Variants in SPOCK3 observed in about 807,000 individuals in gnomAD.
SPOCK3 encodes testican-3.
Under a neutral mutation model 56.6 loss-of-function variants are expected in SPOCK3, and 30 were observed. The ratio of observed to expected loss-of-function variants is 0.53; its 90% CI spans 0.40 to 0.72. The LOEUF (loss-of-function observed/expected upper bound fraction) is 0.72. Among genes scored for constraint, SPOCK3 ranks in the 30% least tolerant of loss-of-function variants. The pLI is 0.00. For synonymous variants in SPOCK3, 196 were observed against 183.3 expected, an observed-to-expected ratio of 1.07 and a Z score of -0.56; for missense variants, 527 against 530.0, an observed-to-expected ratio of 0.99 and a Z score of 0.06.
intron 2 of SPOCK3, among the ~76,000 whole-genome samples, chr4:167,233,149 C>A (rs1737357808): frequency 6.6e-6 from 1 of 152,170 alleles, no homozygotes; most frequent in South Asian, 2.1e-4. Flanking sequence ...TTGTATCGTG[C>A]TCTGTACGTG....
At chr4:166,744,786 C>A (rs922443151) in intron 8 of SPOCK3, among the ~76,000 whole-genome samples, 1 of 151,966 alleles carries the variant, frequency 6.6e-6, no homozygotes, top group East Asian at 1.9e-4. Context: ...ATAGGGAAGA[C>A]CTTAAGTGAC....
At chr4:166,937,941 T>TTC (rs1451108518) in intron 4 of SPOCK3, among the ~76,000 whole-genome samples, 2 of 149,260 alleles carry the variant, frequency 1.3e-5, no homozygotes, top group Non-Finnish European at 3.0e-5. Context: ...TCTCTTTTTT[T>TTC]TTTTTTTTTA....
intron 4 of SPOCK3, among the ~76,000 whole-genome samples, chr4:166,999,292 A>C (rs13117854): frequency 0.024 from 3,607 of 152,298 alleles, 75 homozygotes; most frequent in Middle Eastern, 0.061. Flanking sequence ...CTATAGACTT[A>C]ACATTGTGGA....
intron 6 of SPOCK3, among the ~76,000 whole-genome samples, chr4:166,831,487 C>T (rs561642333): frequency 4.6e-5 from 7 of 152,134 alleles, no homozygotes; most frequent in Non-Finnish European, 7.4e-5. Context: ...AGATATACGG[C>T]TATTCAAGAT....
chr4:166,798,368 C>T (rs989380207), intron 6 of SPOCK3, among the ~76,000 whole-genome samples: 14 of 152,138 alleles, frequency 9.2e-5, no homozygotes, highest in African/African-American at 3.4e-4. Context: ...GCAAAAGCCA[C>T]TGCTAATTCT....
intron 2 of SPOCK3, among the ~76,000 whole-genome samples, chr4:167,112,770 G>A (rs1645385744): frequency 6.6e-6 from 1 of 151,872 alleles, no homozygotes; most frequent in South Asian, 2.1e-4. Context: ...ATACCATGGG[G>A]TGTCATCAAG....
chr4:167,116,689 A>G (rs1458673523), intron 2 of SPOCK3, among the ~76,000 whole-genome samples: 1 of 135,962 alleles, frequency 7.4e-6, no homozygotes, highest in East Asian at 2.1e-4. Flanking sequence ...ATATATACAC[A>G]CATATAGTAT....
intron 2 of SPOCK3, among the ~76,000 whole-genome samples, chr4:167,110,694 T>C (rs141979476): frequency 1.1e-3 from 165 of 152,136 alleles, no homozygotes; most frequent in Non-Finnish European, 1.6e-3. Context: ...AAACATTTTA[T>C]GGATAAATGA....
chr4:166,841,857 G>A (rs564449278), intron 6 of SPOCK3, among the ~76,000 whole-genome samples: 1 of 152,284 alleles, frequency 6.6e-6, no homozygotes, highest in East Asian at 1.9e-4. Context: ...GTTCTTGGTT[G>A]CACTGACTTC....
At chr4:166,842,777 C>T (rs573260520) in intron 6 of SPOCK3, among the ~76,000 whole-genome samples, 44 of 152,354 alleles carry the variant, frequency 2.9e-4, no homozygotes, top group Non-Finnish European at 5.6e-4. Context: ...CTGGCTTCGC[C>T]TGGTGGATCC....
chr4:166,740,520 A>T (rs1473976827), intron 9 of SPOCK3, among the ~76,000 whole-genome samples: 1 of 22,952 alleles, frequency 4.4e-5, no homozygotes, highest in African/African-American at 2.5e-4. Flanking sequence ...TATTATTATT[A>T]TTATTATTAT....
Position 167,109,412 on chromosome 4 carries a change from T to TATTTATATAAA in SPOCK3, c.190-46876_190-46875insTTTATATAAAT, listed in dbSNP as rs1561225470. On this transcript the variant is annotated intron_variant, in intron 2 of 10. Coordinates refer to ENST00000357545, the MANE Select transcript of SPOCK3 (RefSeq NM_001040159.2). ...ATAAATATATATTTATATATAAATA[T>TATTTATATAAA]ATATATAAATATATATATGATAAAT... Among the ~76,000 whole-genome samples the TATTTATATAAA allele has an allele frequency of 1.3e-3, 109 of 81,788 alleles. 3 individuals are homozygous for TATTTATATAAA. Among genetic ancestry groups the TATTTATATAAA allele is most frequent in the African/African-American group, 4.6e-3 (103 of 22,488 alleles). 53.7% of individuals were successfully genotyped at this position (81,788 alleles called of 152,430 possible). A position where few individuals can be genotyped will look rare whatever the true frequency, so the allele number is the denominator to read the frequency against.
chr4:167,232,703 T>C (rs1027882398), intron 2 of SPOCK3, among the ~76,000 whole-genome samples: 1 of 152,206 alleles, frequency 6.6e-6, no homozygotes, highest in Non-Finnish European at 1.5e-5. Flanking sequence ...AAATGATGCT[T>C]AAGCTTTGTT....
At chr4:166,888,110 GT>G (rs1734395141) in intron 6 of SPOCK3, among the ~76,000 whole-genome samples, 1 of 151,970 alleles carries the variant, frequency 6.6e-6, no homozygotes. Context: ...CATAACTGAA[GT>G]TTGGAAGTTA....
At chr4:167,005,366 C>G (rs1031645656) in intron 3 of SPOCK3, among the ~76,000 whole-genome samples, 1 of 151,904 alleles carries the variant, frequency 6.6e-6, no homozygotes, top group South Asian at 2.1e-4. Context: ...CCCACCACCA[C>G]GCCTGGCTAA....
chr4:167,011,701 C>G (rs1750084591), intron 3 of SPOCK3, among the ~76,000 whole-genome samples: 1 of 151,996 alleles, frequency 6.6e-6, no homozygotes, highest in Non-Finnish European at 1.5e-5. Flanking sequence ...ATATAAACAT[C>G]AACTCATCAG....
In SPOCK3 at chr4:166,755,382, C is replaced by T. The variant is rs142991378; in HGVS notation, c.710-653G>A. Among the ~76,000 whole-genome samples, 22 of 152,204 alleles carry T rather than the reference C, an allele frequency of 1.4e-4. No homozygotes were observed. In the East Asian group the frequency reaches 2.1e-3, roughly 15 times the overall value. The stretch of plus-strand genomic sequence containing the variant: ...GGATAGAGCAGGTATAGAGAGATGA[C>T]GGAACTGGGTTTGTATTCAAGCTAC... On this transcript the variant is annotated intron_variant, in intron 7 of 10. Coordinates refer to ENST00000357545, the MANE Select transcript of SPOCK3 (RefSeq NM_001040159.2).
chr4:167,008,776 G>T (rs2150140775), intron 3 of SPOCK3, among the ~76,000 whole-genome samples: 1 of 152,134 alleles, frequency 6.6e-6, no homozygotes, highest in South Asian at 2.1e-4. Context: ...CTTACAAGTG[G>T]GAGCTAAACA....
intron 4 of SPOCK3, among the ~76,000 whole-genome samples, chr4:166,941,461 C>G (rs1398029991): frequency 6.6e-6 from 1 of 152,154 alleles, no homozygotes; most frequent in Admixed American, 6.5e-5. Context: ...AGTCTGAAAG[C>G]TAAAATATCT....
Sources: allele counts gnomAD v4.1 joint callset (sites outside exome capture counted in the v4.1 genomes callset), GRCh38; gene constraint gnomAD v4.1.1; transcripts MANE v1.5; gene names NCBI Gene and HGNC (gene_info 2026-07-23, HGNC 2026-07-21).